The following SNX13 variants were observed in gnomAD, a reference collection of about 807,000 sequenced individuals.
SNX13 encodes sorting nexin 13.
SNX13 carries 45 observed loss-of-function variants against 133.6 expected under a neutral mutation model. The ratio of observed to expected loss-of-function variants is 0.34; its 90% CI spans 0.27 to 0.43. SNX13 has a LOEUF of 0.43. SNX13 is among the 20% of genes least tolerant of loss of function. The probability of loss-of-function intolerance (pLI) is 1.00; values close to 1 mark genes in which losing one functional copy is unlikely to be tolerated. For synonymous variants in SNX13, 414 were observed against 373.9 expected (o/e 1.11, Z -1.24); for missense variants, 1,032 against 1,145.1 (o/e 0.90, Z 1.43).
intron 1 of SNX13, among the ~76,000 whole-genome samples, chr7:17,912,597 G>C (rs1406903296): frequency 6.6e-6 from 1 of 152,022 alleles, no homozygotes. Flanking sequence ...TTCTAGTAGA[G>C]ACGGGGTTTA....
At chr7:17,859,878 C>T (rs1792426612) in intron 9 of SNX13, among the ~76,000 whole-genome samples, 1 of 151,950 alleles carries the variant, frequency 6.6e-6, no homozygotes, top group South Asian at 2.1e-4. Flanking sequence ...ATGTATATAC[C>T]ACATTCTCTT....
chr7:17,799,600 T>G (rs956882145), intron 22 of SNX13, among the ~76,000 whole-genome samples: 1 of 151,814 alleles, frequency 6.6e-6, no homozygotes, highest in Non-Finnish European at 1.5e-5. Context: ...GTATTTTGCT[T>G]AGTTAGTAAA....
chr7:17,842,421 C>T (rs1313846173), intron 12 of SNX13, among the ~76,000 whole-genome samples: 1 of 151,880 alleles, frequency 6.6e-6, no homozygotes, highest in Non-Finnish European at 1.5e-5. Flanking sequence ...GCAAAGGAAG[C>T]ATCTTACCAT....
chr7:17,863,759 A>G (rs976869015), intron 9 of SNX13, among the ~76,000 whole-genome samples: 1 of 152,252 alleles, frequency 6.6e-6, no homozygotes, highest in African/African-American at 2.4e-5. Flanking sequence ...GCACGGTGCC[A>G]GCCATGGTGA....
intron 1 of SNX13, among the ~76,000 whole-genome samples, chr7:17,910,851 A>C (rs546857366): frequency 6.6e-6 from 1 of 152,356 alleles, no homozygotes; most frequent in East Asian, 1.9e-4. Flanking sequence ...ACATAAATCC[A>C]TAGTAACAGA....
intron 1 of SNX13, among the ~76,000 whole-genome samples, chr7:17,921,783 T>C (rs996455355): frequency 9.9e-5 from 15 of 152,240 alleles, no homozygotes; most frequent in African/African-American, 1.9e-4. Context: ...TATAAGAGCA[T>C]TGTTAGTTTG....
At chr7:17,875,157 AG>A (rs1794574635) in intron 7 of SNX13, among the ~76,000 whole-genome samples, 2 of 152,156 alleles carry the variant, frequency 1.3e-5, no homozygotes, top group South Asian at 2.1e-4. Flanking sequence ...TAGTAGAGAC[AG>A]GGTTTCGCCA....
chr7:17,877,680 T>C (rs1794878654), intron 5 of SNX13, among the ~76,000 whole-genome samples: 1 of 152,058 alleles, frequency 6.6e-6, no homozygotes, highest in Admixed American at 6.6e-5. Context: ...TGATTCATTA[T>C]AGAGGATGTA....
chr7:17,829,906 T>A (rs959795159), intron 16 of SNX13, 104 bp downstream of exon 16: 3 of 746,466 alleles, frequency 4.0e-6, no homozygotes, highest in Non-Finnish European at 6.1e-6. Flanking sequence ...TACTAAAGGA[T>A]GATTTGGGGC....
intron 9 of SNX13, among the ~76,000 whole-genome samples, chr7:17,861,153 C>T (rs1273901408): frequency 6.6e-6 from 1 of 151,998 alleles, no homozygotes; most frequent in Non-Finnish European, 1.5e-5. Flanking sequence ...GTAGCTAGGA[C>T]CACAAGTATG....
intron 8 of SNX13, among the ~76,000 whole-genome samples, 196 bp downstream of exon 8, chr7:17,873,332 T>C (rs1794333178): frequency 6.6e-6 from 1 of 152,256 alleles, no homozygotes. Context: ...ATGAAATACA[T>C]GCTTGCATAT....
chr7:17,903,738 A>G (rs1481403756), intron 1 of SNX13, among the ~76,000 whole-genome samples: 5 of 152,230 alleles, frequency 3.3e-5, no homozygotes, highest in Non-Finnish European at 7.3e-5. Context: ...TCAGCTGACA[A>G]TTGTCTTAAA....
intron 1 of SNX13, among the ~76,000 whole-genome samples, chr7:17,935,407 A>G (rs911549713): frequency 6.6e-6 from 1 of 152,218 alleles, no homozygotes; most frequent in African/African-American, 2.4e-5. Flanking sequence ...ACAAAGTTTC[A>G]GATAGATAGA....
chr7:17,836,361 A>G (rs1562732278), intron 13 of SNX13, among the ~76,000 whole-genome samples: 1 of 152,056 alleles, frequency 6.6e-6, no homozygotes, highest in East Asian at 1.9e-4. Flanking sequence ...CTTTAAAAAA[A>G]TACAAAAATT....
rs149960869 is a variant in SNX13 at position 17,913,921 on chromosome 7, G to A, written c.13-16475C>T. On this transcript the variant is annotated intron_variant, in intron 1 of 25. Coordinates refer to ENST00000428135, the MANE Select transcript of SNX13 (RefSeq NM_015132.5). ...CTAACCAGAATGAAATATCTGAAAT[G>A]ACAGTATAAAATTCAGAATATATAT... Among the ~76,000 whole-genome samples, 40 of 152,072 alleles carry A rather than the reference G, an allele frequency of 2.6e-4. No individual in the cohort carries two copies. In the East Asian group the frequency reaches 7.1e-3, roughly 27 times the overall value.
At chr7:17,897,305 A>T in intron 2 of SNX13, 29 bp downstream of exon 2, 2 of 1,257,172 alleles carry the variant, frequency 1.6e-6, no homozygotes, top group South Asian at 3.4e-5. Flanking sequence ...TGACACATGA[A>T]TTATAAAATT....
intron 8 of SNX13, among the ~76,000 whole-genome samples, chr7:17,870,618 T>G (rs988111121): frequency 1.3e-5 from 2 of 152,218 alleles, no homozygotes; most frequent in African/African-American, 2.4e-5. Context: ...TTCAAGAAGC[T>G]GCAGTAGCAC....
chr7:17,803,493 T>C lies in SNX13; in HGVS notation c.2152A>G (p.Met718Val). Residue 718 changes from methionine to valine, a missense_variant, in exon 21 of 26, where the codon ATG becomes GTG. Coordinates refer to ENST00000428135, the MANE Select transcript of SNX13 (RefSeq NM_015132.5). ...CCCATGTTGTCTGACATTTTAGTCA[T>C]TCCCTCTGCCAAGCTATCAGGAAGG... ...KSLPDSLAEG[M>V]TKMSDNMGKM... The C allele has an allele frequency of 6.2e-7, 1 of 1,612,730 alleles. No homozygotes were observed. Among genetic ancestry groups the C allele is most frequent in the Non-Finnish European group, 8.5e-7 (1 of 1,179,322 alleles).
rs1554304326 is a variant in SNX13, at chr7:17,805,254, T to TGCGTGCGCGCGCGCGCGC, written c.2065-1675_2065-1674insGCGCGCGCGCGCGCACGC. Among the ~76,000 whole-genome samples the TGCGTGCGCGCGCGCGCGC allele has an allele frequency of 3.0e-3, 400 of 132,512 alleles. 4 individuals are homozygous for TGCGTGCGCGCGCGCGCGC. Among genetic ancestry groups the TGCGTGCGCGCGCGCGCGC allele is most frequent in the East Asian group, 7.5e-3 (35 of 4,648 alleles). The allele number at this position is 132,512 out of a possible 152,430, so 86.9% of individuals were successfully genotyped here. On this transcript the variant is annotated intron_variant, in intron 20 of 25. Transcript: ENST00000428135. ...GTGTGTGTGTGTGTGTGTGTGTGCGTGCGCGCGCGCGCATGCATGCACATG... is the reference window on the plus strand; with the variant it reads ...GTGTGTGTGTGTGTGTGTGTGTGCGTGCGTGCGCGCGCGCGCGCGCGCGCGCGCGCATGCATGCACATG...
Sources: allele counts gnomAD v4.1 joint callset (sites outside exome capture counted in the v4.1 genomes callset), GRCh38; gene constraint gnomAD v4.1.1; transcripts MANE v1.5; gene names NCBI Gene and HGNC (gene_info 2026-07-23, HGNC 2026-07-21).